Variants in DHX35 observed in about 807,000 individuals in gnomAD.
The protein encoded by DHX35 is probable ATP-dependent RNA helicase DHX35.
A neutral mutation model predicts 99.6 loss-of-function variants in DHX35; 84 were observed. That is an observed-to-expected ratio of 0.84 (90% CI 0.71 to 1.01). The LOEUF (loss-of-function observed/expected upper bound fraction) is 1.01, where lower values mean the gene tolerates loss of function less well. Ranked by LOEUF, DHX35 falls within the 50% of genes least tolerant of loss-of-function variation. DHX35 has a pLI of 0.00. For missense variants in DHX35, 852 were observed against 888.5 expected, an observed-to-expected ratio of 0.96 and a Z score of 0.52; for synonymous variants, 331 against 316.2, an observed-to-expected ratio of 1.05 and a Z score of -0.50.
chr20:38,969,441 G>A (rs1429280792), intron 2 of DHX35, among the ~76,000 whole-genome samples: 1 of 152,172 alleles, frequency 6.6e-6, no homozygotes, highest in Admixed American at 6.5e-5. Context: ...GAAAACTGGA[G>A]GAATTAGAAT....
intron 10 of DHX35, among the ~76,000 whole-genome samples, 191 bp downstream of exon 10, chr20:39,003,059 T>C (rs1387724094): frequency 1.3e-5 from 2 of 152,268 alleles, no homozygotes; most frequent in Non-Finnish European, 2.9e-5. Flanking sequence ...AGCCCCTGCC[T>C]GTTCTGTCTG....
chr20:39,025,474 C>T (rs1600445202), intron 18 of DHX35, 115 bp downstream of exon 18: 1 of 1,261,432 alleles, frequency 7.9e-7, no homozygotes, highest in East Asian at 2.7e-5. Context: ...TGTACCAACA[C>T]TGGGTTTTAT....
At chr20:39,018,092 G>A (rs1270404937) in intron 14 of DHX35, among the ~76,000 whole-genome samples, 1 of 152,100 alleles carries the variant, frequency 6.6e-6, no homozygotes, top group Non-Finnish European at 1.5e-5. Context: ...TAACAGTATG[G>A]GGGAGACTGC....
chr20:38,983,093 G>A (rs745463556), intron 3 of DHX35, among the ~76,000 whole-genome samples: 10 of 151,860 alleles, frequency 6.6e-5, no homozygotes, highest in Admixed American at 1.3e-4. Context: ...ACCCACCTAC[G>A]TTTTTATATT....
intron 6 of DHX35, 88 bp downstream of exon 6, chr20:38,991,603 C>T (rs1055779681): frequency 6.8e-6 from 8 of 1,172,082 alleles, no homozygotes; most frequent in African/African-American, 3.1e-5. Context: ...CTGGGATTCA[C>T]GTCTGTGTTC....
intron 4 of DHX35, among the ~76,000 whole-genome samples, chr20:38,986,109 T>C (rs1319803825): frequency 2.0e-5 from 3 of 152,146 alleles, no homozygotes; most frequent in Non-Finnish European, 2.9e-5. Flanking sequence ...GTCTACCTCA[T>C]GGGCTGTGTG....
chr20:38,990,119 G>A (rs1382189887), intron 5 of DHX35, among the ~76,000 whole-genome samples: 1 of 152,094 alleles, frequency 6.6e-6, no homozygotes, highest in African/African-American at 2.4e-5. Context: ...AATTTTCAGT[G>A]GTTTGCATAA....
intron 8 of DHX35, among the ~76,000 whole-genome samples, chr20:38,996,800 T>C (rs1006734445): frequency 1.3e-5 from 2 of 152,102 alleles, no homozygotes; most frequent in Non-Finnish European, 1.5e-5. Context: ...CCATGGTAAC[T>C]TTTGGGTTAA....
intron 1 of DHX35, among the ~76,000 whole-genome samples, chr20:38,963,542 T>C (rs2145821662): frequency 6.6e-6 from 1 of 152,376 alleles, no homozygotes; most frequent in Admixed American, 6.5e-5. Flanking sequence ...TTTATTTGCA[T>C]CCAAAACTAG....
At chr20:38,992,599 C>A (rs1328640389) in intron 7 of DHX35, among the ~76,000 whole-genome samples, 174 bp downstream of exon 7, 2 of 139,818 alleles carry the variant, frequency 1.4e-5, no homozygotes, top group East Asian at 4.5e-4. Context: ...ATTTTCTTCT[C>A]TTTTCTGTGT....
chr20:39,016,246 A>G (rs192039047), intron 14 of DHX35, among the ~76,000 whole-genome samples: 1 of 152,230 alleles, frequency 6.6e-6, no homozygotes, highest in Non-Finnish European at 1.5e-5. Context: ...CTGTCATGGG[A>G]ACTAATCCAT....
At chr20:39,009,714 CT>C (rs1291849394) in intron 12 of DHX35, among the ~76,000 whole-genome samples, 1 of 152,042 alleles carries the variant, frequency 6.6e-6, no homozygotes, top group East Asian at 1.9e-4. Flanking sequence ...TCTTAGGATG[CT>C]TTTTCCTGTG....
chr20:39,038,642 G>C lies in DHX35; in HGVS notation c.*99G>C. 1.5e-6 allele frequency: 2 copies of C among 1,299,690 alleles called. No homozygotes were observed. The highest frequency in any genetic ancestry group is 2.1e-6 in the Non-Finnish European group (2 of 930,684). 80.5% of individuals were successfully genotyped at this position (1,299,690 alleles called of 1,614,324 possible). A position where few individuals can be genotyped will look rare whatever the true frequency, so the allele number is the denominator to read the frequency against. ...GGGTGAGCTGGCACCAGCTCCTGTG[G>C]AATGTTTGGTTGCTCTGAAGTGGGC... On this transcript the variant is annotated 3_prime_UTR_variant, in exon 22 of 22. Coordinates refer to ENST00000252011, the MANE Select transcript of DHX35 (RefSeq NM_021931.4).
At chr20:39,028,338 A>G in intron 18 of DHX35, 80 bp from the exon 19 acceptor site, 1 of 1,389,596 alleles carries the variant, frequency 7.2e-7, no homozygotes, top group South Asian at 1.2e-5. Context: ...TGGTGCTGGG[A>G]GTGGATCCTG....
chr20:39,019,426 G>A (rs2086838231), intron 15 of DHX35, among the ~76,000 whole-genome samples: 1 of 152,098 alleles, frequency 6.6e-6, no homozygotes, highest in Non-Finnish European at 1.5e-5. Context: ...CAGACACTTT[G>A]GTTGCTTCTA....
intron 8 of DHX35, among the ~76,000 whole-genome samples, chr20:38,997,220 G>A (rs377367405): frequency 3.3e-5 from 5 of 152,072 alleles, no homozygotes; most frequent in African/African-American, 1.2e-4. Context: ...GCAGGCATGA[G>A]CCACCATGCC....
chr20:39,002,255 G>C (rs1018509745), intron 9 of DHX35, among the ~76,000 whole-genome samples: 1 of 152,220 alleles, frequency 6.6e-6, no homozygotes, highest in Non-Finnish European at 1.5e-5. Flanking sequence ...ACTTGGACAA[G>C]GAAGGGGCCA....
At chr20:38,975,367 G>T (rs1185292896) in intron 3 of DHX35, among the ~76,000 whole-genome samples, 1 of 152,236 alleles carries the variant, frequency 6.6e-6, no homozygotes, top group Non-Finnish European at 1.5e-5. Flanking sequence ...AAATTACTGT[G>T]TGATTGTCAT....
At chr20:39,002,358 C>T (rs775182862) in intron 9 of DHX35, among the ~76,000 whole-genome samples, 2 of 152,122 alleles carry the variant, frequency 1.3e-5, no homozygotes, top group Non-Finnish European at 2.9e-5. Context: ...ATTTCTGAAT[C>T]GTTTTGTTGG....
Sources: allele counts gnomAD v4.1 joint callset (sites outside exome capture counted in the v4.1 genomes callset), GRCh38; gene constraint gnomAD v4.1.1; transcripts MANE v1.5; gene names NCBI Gene and HGNC (gene_info 2026-07-23, HGNC 2026-07-21).